EYA1: variants seen among roughly 807,000 people sequenced by gnomAD.
EYA1 encodes the protein protein phosphatase EYA1.
In EYA1, 16 loss-of-function variants were observed where a neutral mutation model predicts 82.0. The ratio of observed to expected loss-of-function variants is 0.20; its 90% CI spans 0.13 to 0.30. EYA1 has a LOEUF of 0.30. Among genes scored for constraint, EYA1 ranks in the 10% least tolerant of loss-of-function variants. The probability of loss-of-function intolerance (pLI) is 1.00; values close to 1 mark genes in which losing one functional copy is unlikely to be tolerated. For synonymous variants in EYA1, 261 were observed against 264.4 expected (o/e 0.99, Z 0.12); for missense variants, 633 against 730.7 (o/e 0.87, Z 1.54).
At chr8:71,264,570 A>G (rs568764641) in intron 11 of EYA1, among the ~76,000 whole-genome samples, 1 of 141,700 alleles carries the variant, frequency 7.1e-6, no homozygotes, top group Non-Finnish European at 1.5e-5. Flanking sequence ...TACATTCGTG[A>G]GCAATTCAAT....
At chr8:71,225,387 C>T (rs1229486380) in intron 12 of EYA1, 2 of 441,052 alleles carry the variant, frequency 4.5e-6, no homozygotes, top group Non-Finnish European at 9.1e-6. Flanking sequence ...GTCTAGGGTA[C>T]ACCTGGTGAC....
chr8:71,244,812 T>G, intron 11 of EYA1, 120 bp from the exon 12 acceptor site: 1 of 658,190 alleles, frequency 1.5e-6, no homozygotes, highest in Non-Finnish European at 2.8e-6. Flanking sequence ...AGAGAGAGAC[T>G]TGGGCAACAG....
chr8:71,344,529 C>T (rs1292243983), intron 3 of EYA1, among the ~76,000 whole-genome samples: 1 of 152,180 alleles, frequency 6.6e-6, no homozygotes, highest in Non-Finnish European at 1.5e-5. Flanking sequence ...GAGGAAACTG[C>T]AGCTTCAAAT....
chr8:71,489,908 G>A (rs1367551268), intron 2 of EYA1, among the ~76,000 whole-genome samples: 5 of 152,130 alleles, frequency 3.3e-5, no homozygotes, highest in Non-Finnish European at 7.3e-5. Flanking sequence ...TGTGAGTTAG[G>A]AGTGCAGCCT....
chr8:71,358,834 ATAAT>A (rs1194540896), intron 1 of EYA1, among the ~76,000 whole-genome samples: 1 of 152,142 alleles, frequency 6.6e-6, no homozygotes, highest in South Asian at 2.1e-4. Flanking sequence ...TGTTTTGAAA[ATAAT>A]TAATTAGGGA....
chr8:71,242,986 C>T (rs1046545906), intron 12 of EYA1, among the ~76,000 whole-genome samples: 10 of 152,102 alleles, frequency 6.6e-5, no homozygotes, highest in Admixed American at 3.9e-4. Context: ...CCATGTTGGT[C>T]GGGATGGTCT....
chr8:71,411,542 C>A (rs1257565547), intron 2 of EYA1, among the ~76,000 whole-genome samples: 1 of 147,976 alleles, frequency 6.8e-6, no homozygotes, highest in African/African-American at 2.5e-5. Flanking sequence ...AAGAAAAAAA[C>A]AAACAACCCC....
intron 7 of EYA1, among the ~76,000 whole-genome samples, chr8:71,308,872 T>C (rs1821024717): frequency 6.6e-6 from 1 of 152,196 alleles, no homozygotes; most frequent in Non-Finnish European, 1.5e-5. Flanking sequence ...TTCTAGCACT[T>C]ACTGGGCAAG....
At chr8:71,506,276 G>A (rs1812186231) in intron 2 of EYA1, among the ~76,000 whole-genome samples, 1 of 152,192 alleles carries the variant, frequency 6.6e-6, no homozygotes, top group South Asian at 2.1e-4. Flanking sequence ...CAGAGCAAAA[G>A]TATTTAGAAA....
chr8:71,245,910 A>T (rs888230095), intron 11 of EYA1, among the ~76,000 whole-genome samples: 14 of 152,260 alleles, frequency 9.2e-5, no homozygotes, highest in Admixed American at 2.0e-4. Context: ...TTTCTATCTA[A>T]AAATTCAAGT....
intron 2 of EYA1, among the ~76,000 whole-genome samples, chr8:71,478,852 C>T (rs780814389): frequency 1.5e-4 from 23 of 152,172 alleles, no homozygotes; most frequent in Admixed American, 1.4e-3. Context: ...AAAACCTGTA[C>T]ATGAGTGTGT....
chr8:71,205,848 T>C (rs1342362362), intron 17 of EYA1, among the ~76,000 whole-genome samples: 1 of 152,194 alleles, frequency 6.6e-6, no homozygotes, highest in Admixed American at 6.5e-5. Context: ...GCATGTTGTA[T>C]TAGATTTTGA....
intron 11 of EYA1, among the ~76,000 whole-genome samples, chr8:71,248,882 A>C (rs1476841005): frequency 1.3e-5 from 2 of 152,240 alleles, no homozygotes; most frequent in Non-Finnish European, 2.9e-5. Context: ...ATTAAGAACA[A>C]GGAAAAAAAC....
chr8:71,421,805 T>C (rs1345523314), intron 2 of EYA1, among the ~76,000 whole-genome samples: 1 of 152,184 alleles, frequency 6.6e-6, no homozygotes, highest in Non-Finnish European at 1.5e-5. Context: ...GAAACTGAAC[T>C]AATGTGCTCT....
At chr8:71,271,074 C>A (rs1360463039) in intron 10 of EYA1, among the ~76,000 whole-genome samples, 1 of 152,194 alleles carries the variant, frequency 6.6e-6, no homozygotes, top group Non-Finnish European at 1.5e-5. Flanking sequence ...CACGCCATTG[C>A]ACTCTACGCT....
intron 1 of EYA1, among the ~76,000 whole-genome samples, chr8:71,537,165 T>C (rs1419145762): frequency 6.6e-6 from 1 of 152,214 alleles, no homozygotes; most frequent in Non-Finnish European, 1.5e-5. Flanking sequence ...ATAAAGTTGA[T>C]GCTTTTTGGA....
chr8:71,537,998 TA>T (rs1459231737), intron 1 of EYA1, among the ~76,000 whole-genome samples: 1 of 152,166 alleles, frequency 6.6e-6, no homozygotes, highest in Non-Finnish European at 1.5e-5. Flanking sequence ...ATGCCTCCAG[TA>T]AAAAGACTAC....
intron 2 of EYA1, among the ~76,000 whole-genome samples, chr8:71,434,732 T>C (rs1446947516): frequency 4.6e-5 from 7 of 152,172 alleles, no homozygotes; most frequent in Non-Finnish European, 7.4e-5. Context: ...TAGGGATAGA[T>C]GATTCAAAAG....
intron 2 of EYA1, among the ~76,000 whole-genome samples, chr8:71,386,694 G>GA (rs1404045904): frequency 1.3e-5 from 2 of 151,816 alleles, no homozygotes; most frequent in Non-Finnish European, 2.9e-5. Flanking sequence ...ACAAATTTAG[G>GA]AAAAAAACAG....
Sources: allele counts gnomAD v4.1 joint callset (sites outside exome capture counted in the v4.1 genomes callset), GRCh38; gene constraint gnomAD v4.1.1; transcripts MANE v1.5; gene names NCBI Gene and HGNC (gene_info 2026-07-23, HGNC 2026-07-21).